The following PPM1E variants were observed in gnomAD, a reference collection of about 807,000 sequenced individuals.
PPM1E encodes the protein protein phosphatase, Mg2+/Mn2+ dependent 1E.
Under a neutral mutation model 65.9 loss-of-function variants are expected in PPM1E, and 20 were observed. That is an observed-to-expected ratio of 0.30 (90% CI 0.21 to 0.44). The LOEUF (loss-of-function observed/expected upper bound fraction) is 0.44. Among genes scored for constraint, PPM1E ranks in the 20% least tolerant of loss-of-function variants. The pLI, the probability that PPM1E is intolerant of heterozygous loss-of-function variation, is 1.00. For synonymous variants in PPM1E, 352 were observed against 374.9 expected (o/e 0.94, Z 0.70); for missense variants, 713 against 953.1 (o/e 0.75, Z 3.32).
chr17:58,944,020 A>G (rs1056650288), intron 1 of PPM1E, among the ~76,000 whole-genome samples: 6 of 152,082 alleles, frequency 3.9e-5, no homozygotes, highest in African/African-American at 1.2e-4. Flanking sequence ...TCTTTTTCCA[A>G]CTAAGGAAAT....
rs2031429014 is a variant in PPM1E, at chr17:58,982,687, G to A, written c.*1656G>A. On this transcript the variant is annotated 3_prime_UTR_variant, in exon 7 of 7. Transcript: ENST00000308249. ...CTACAGATTTTATTTTTTAAAATTT[G>A]GATGTAAGTAGAGACTTTCAGTATT... 2.1e-6 allele frequency: 1 copy of A among 477,476 alleles called. No individual in the cohort carries two copies. The highest frequency in any genetic ancestry group is 3.6e-5 in the Admixed American group (1 of 27,560). The allele number at this position is 477,476 out of a possible 1,614,324, so 29.6% of individuals were successfully genotyped here.
At chr17:58,873,012 C>CT (rs2051088555) in intron 1 of PPM1E, among the ~76,000 whole-genome samples, 1 of 152,212 alleles carries the variant, frequency 6.6e-6, no homozygotes, top group Admixed American at 6.5e-5. Context: ...CGGCATGCTA[C>CT]TGGCTCAGGT....
chr17:58,979,858 C>A, intron 6 of PPM1E, 116 bp from the exon 7 acceptor site: 2 of 783,644 alleles, frequency 2.6e-6, no homozygotes, highest in Non-Finnish European at 4.0e-6. Context: ...TCTTTCCAGT[C>A]AAGTCAGTTC....
intron 1 of PPM1E, among the ~76,000 whole-genome samples, chr17:58,930,286 GAC>G (rs1226424474): frequency 2.6e-5 from 3 of 117,354 alleles, no homozygotes; most frequent in Non-Finnish European, 3.8e-5. Context: ...CACACACACA[GAC>G]ACACACACAC....
intron 1 of PPM1E, among the ~76,000 whole-genome samples, chr17:58,839,149 G>A (rs531567510): frequency 6.6e-6 from 1 of 152,128 alleles, no homozygotes; most frequent in Admixed American, 6.5e-5. Context: ...AGCACAAAAA[G>A]TTAACCTCAG....
intron 1 of PPM1E, among the ~76,000 whole-genome samples, chr17:58,836,797 G>A (rs1345247482): frequency 2.7e-5 from 4 of 148,794 alleles, no homozygotes; most frequent in Non-Finnish European, 4.5e-5. Context: ...CGAGACGGGC[G>A]GATCACGAGG....
chr17:58,976,454 G>A (rs1311417260), intron 6 of PPM1E, among the ~76,000 whole-genome samples: 1 of 152,060 alleles, frequency 6.6e-6, no homozygotes, highest in Non-Finnish European at 1.5e-5. Flanking sequence ...TAAAATGGGG[G>A]GCTGCAAAAG....
At chr17:58,961,846 C>T (rs2030040513) in intron 2 of PPM1E, among the ~76,000 whole-genome samples, 1 of 151,964 alleles carries the variant, frequency 6.6e-6, no homozygotes, top group Admixed American at 6.6e-5. Context: ...CTATGTTGGC[C>T]AGGCTGGAGT....
At chr17:58,825,537 A>AT (rs200602076) in intron 1 of PPM1E, among the ~76,000 whole-genome samples, 3 of 151,694 alleles carry the variant, frequency 2.0e-5, no homozygotes, top group Non-Finnish European at 2.9e-5. Context: ...ATGAAAACGT[A>AT]TTTTTTTTAT....
intron 1 of PPM1E, among the ~76,000 whole-genome samples, chr17:58,915,291 G>A (rs1018363394): frequency 2.0e-5 from 3 of 152,182 alleles, no homozygotes; most frequent in Admixed American, 2.0e-4. Context: ...AGATCCTATA[G>A]GATAACTTTC....
At chr17:58,945,161 T>TC (rs1429179259) in intron 1 of PPM1E, among the ~76,000 whole-genome samples, 1 of 151,934 alleles carries the variant, frequency 6.6e-6, no homozygotes, top group African/African-American at 2.4e-5. Flanking sequence ...TTTTTTTTTT[T>TC]CGAGACTGAG....
intron 1 of PPM1E, among the ~76,000 whole-genome samples, chr17:58,931,082 A>AG (rs1448498923): frequency 1.4e-5 from 2 of 142,304 alleles, no homozygotes; most frequent in Admixed American, 7.1e-5. Context: ...AAAAAAAAAA[A>AG]AAAAGAAAGA....
chr17:58,839,816 C>A (rs116118480), intron 1 of PPM1E, among the ~76,000 whole-genome samples: 5 of 152,224 alleles, frequency 3.3e-5, no homozygotes, highest in African/African-American at 1.2e-4. Context: ...GTTGAGGATA[C>A]TAGAACAGCT....
chr17:58,942,275 C>T (rs2052083602), intron 1 of PPM1E, among the ~76,000 whole-genome samples: 1 of 151,864 alleles, frequency 6.6e-6, no homozygotes, highest in South Asian at 2.1e-4. Context: ...AGTCGTAGCT[C>T]CACAGGAGGC....
Position 58,983,140 on chromosome 17 carries a change from C to A in PPM1E, c.*2109C>A. On this transcript the variant is annotated 3_prime_UTR_variant, in exon 7 of 7. Transcript: ENST00000308249. ...GGATAGAACTGGGACAAACACAGACCCATCTTTAGGGGTCTGGATTTTGTA... is the reference window on the plus strand; with the variant it reads ...GGATAGAACTGGGACAAACACAGACACATCTTTAGGGGTCTGGATTTTGTA... 2.0e-6 allele frequency: 1 copy of A among 490,412 alleles called. No individual in the cohort carries two copies. The highest frequency in any genetic ancestry group is 3.1e-5 in the South Asian group (1 of 32,158). 30.4% of individuals were successfully genotyped at this position (490,412 alleles called of 1,614,324 possible).
At position 58,963,582 on chromosome 17, in the gene PPM1E, G is replaced by A. The variant is rs931525163; in HGVS notation, c.584-2112G>A. Among the ~76,000 whole-genome samples the A allele has an allele frequency of 3.7e-4, 56 of 151,874 alleles. 1 individual carries two copies. In the South Asian group the frequency reaches 7.1e-3, roughly 19 times the overall value. Reference sequence around the variant, plus strand: ...AAATTAGCTGGGCGTGGTGGCAGGCGCCTGTAGTCCCAGCTACTCGGGAGG... The same window carrying A: ...AAATTAGCTGGGCGTGGTGGCAGGCACCTGTAGTCCCAGCTACTCGGGAGG... On this transcript the variant is annotated intron_variant, in intron 2 of 6. Transcript: ENST00000308249.
intron 1 of PPM1E, among the ~76,000 whole-genome samples, chr17:58,945,314 T>C (rs985093930): frequency 6.6e-6 from 1 of 152,154 alleles, no homozygotes; most frequent in East Asian, 1.9e-4. Context: ...AGCTAACTTA[T>C]GTATTTTTAG....
intron 1 of PPM1E, among the ~76,000 whole-genome samples, chr17:58,889,080 G>A (rs949594250): frequency 6.6e-6 from 1 of 152,162 alleles, no homozygotes; most frequent in Non-Finnish European, 1.5e-5. Context: ...AAGTGTTAAT[G>A]TTAAAAAGTC....
intron 1 of PPM1E, among the ~76,000 whole-genome samples, chr17:58,776,908 A>G (rs1206460167): frequency 1.3e-5 from 2 of 152,132 alleles, no homozygotes; most frequent in Non-Finnish European, 2.9e-5. Context: ...AGAGTTAGAA[A>G]AGAGGAGGTG....
Sources: gnomAD v4.1 joint callset for allele counts (sites outside exome capture counted in the v4.1 genomes callset) on GRCh38, gnomAD v4.1.1 for gene constraint, MANE v1.5 for transcripts, NCBI Gene and HGNC (gene_info 2026-07-23, HGNC 2026-07-21) for gene names.